The following GRM4 variants were observed in gnomAD, a reference collection of about 807,000 sequenced individuals.
The protein encoded by GRM4 is glutamate metabotropic receptor 4.
Under a neutral mutation model 81.7 loss-of-function variants are expected in GRM4, and 28 were observed. The observed-to-expected ratio is 0.34, with a 90% confidence interval of 0.25 to 0.47. The LOEUF is 0.47. GRM4 is among the 20% of genes least tolerant of loss of function. The pLI, the probability that GRM4 is intolerant of heterozygous loss-of-function variation, is 1.00. For missense variants in GRM4, 948 were observed against 1,290.0 expected, an observed-to-expected ratio of 0.73 and a Z score of 4.06; for synonymous variants, 488 against 528.8, an observed-to-expected ratio of 0.92 and a Z score of 1.06.
In GRM4 at chr6:34,121,936, G is replaced by A. The variant is rs984494157; in HGVS notation, c.519+11042C>T. 3.3e-5 allele frequency among the ~76,000 whole-genome samples: 5 copies of A among 151,524 alleles called. No individual in the cohort carries two copies. The highest frequency in any genetic ancestry group is 6.6e-5 in the Admixed American group (1 of 15,196). ...CTGAGCAGTGCCAAGACTTGTGGTG[G>A]GATTGAGGGGCACCCTGAGTCGGAG... On this transcript the variant is annotated intron_variant, in intron 2 of 10. Transcript: ENST00000538487. This position sits in a 1 kb window ranked among gnomAD's most constrained non-coding sequence, Gnocchi z 4.6.
In GRM4 at chr6:34,114,970, C is replaced by G. The variant is rs1216509529; in HGVS notation, c.519+18008G>C. ...CAAAACACAGCCCAGGAAGCATGTC[C>G]ATTAAGAGAAGCCTTTCCTCCAGGT... On this transcript the variant is annotated intron_variant, in intron 2 of 10. Coordinates refer to ENST00000538487, the MANE Select transcript of GRM4 (RefSeq NM_000841.4). The surrounding 1 kb of genome is among the most constrained non-coding windows in gnomAD (Gnocchi z 4.3). 6.6e-6 allele frequency among the ~76,000 whole-genome samples: 1 copy of G among 152,208 alleles called. No homozygotes were observed. Among genetic ancestry groups the G allele is most frequent in the East Asian group, 1.9e-4 (1 of 5,194 alleles).
At chr6:34,150,701 A>G (rs902304477), upstream of GRM4, among the ~76,000 whole-genome samples, 1 of 151,754 alleles carries the variant, frequency 6.6e-6, no homozygotes, top group East Asian at 1.9e-4. Context: ...CAGTTTCCCC[A>G]CCTATAGGGC....
In GRM4 at chr6:34,035,144, G is replaced by C. The variant is rs1308832089; in HGVS notation, c.2442+524C>G. 6.6e-6 allele frequency among the ~76,000 whole-genome samples: 1 copy of C among 152,068 alleles called. No homozygotes were observed. The highest frequency in any genetic ancestry group is 1.5e-5 in the Non-Finnish European group (1 of 68,012). On this transcript the variant is annotated intron_variant, in intron 9 of 10. Coordinates refer to ENST00000538487, the MANE Select transcript of GRM4 (RefSeq NM_000841.4). The surrounding 1 kb of genome is among the most constrained non-coding windows in gnomAD (Gnocchi z 6.6). Reference sequence around the variant, plus strand: ...TGAACCAAAAGGAAGACAGGGTTGAGTAGGGAGAGAGGTAAGAGAAAGGAG... The same window carrying C: ...TGAACCAAAAGGAAGACAGGGTTGACTAGGGAGAGAGGTAAGAGAAAGGAG...
chr6:34,109,326 C>T (rs1769269007), intron 2 of GRM4, among the ~76,000 whole-genome samples: 1 of 151,924 alleles, frequency 6.6e-6, no homozygotes, highest in African/African-American at 2.4e-5. Flanking sequence ...TAGCCCCTCC[C>T]ACCCTGTCCC....
intron 9 of GRM4, among the ~76,000 whole-genome samples, chr6:34,033,899 G>A (rs1318760287): frequency 2.0e-5 from 3 of 152,056 alleles, no homozygotes; most frequent in African/African-American, 4.8e-5. Flanking sequence ...CACCATGCCT[G>A]GCTACGTTTT....
rs576385268 is a variant in GRM4, at chr6:34,044,974, GCA to G, written c.1169-4228_1169-4227del. ...TACATACACATATATACACATACAC[GCA>G]CACACAGATACACTGAAATAAACAC... On this transcript the variant is annotated intron_variant, in intron 6 of 10. Coordinates refer to ENST00000538487, the MANE Select transcript of GRM4 (RefSeq NM_000841.4). Among the ~76,000 whole-genome samples the G allele has an allele frequency of 2.1e-4, 31 of 149,096 alleles. No individual in the cohort carries two copies. The East Asian group carries it at 5.9e-3, about 28-fold the overall frequency.
At chr6:34,065,966 G>A (rs533358126) in intron 3 of GRM4, among the ~76,000 whole-genome samples, 3 of 151,824 alleles carry the variant, frequency 2.0e-5, no homozygotes, top group African/African-American at 4.8e-5. Context: ...CCAGCTCTGC[G>A]CCTCCTCCCC....
At chr6:34,081,011 G>A (rs12527955) in intron 3 of GRM4, among the ~76,000 whole-genome samples, 34,360 of 152,110 alleles carry the variant, frequency 0.23, 5,942 homozygotes, top group African/African-American at 0.47. Context: ...GCTGGCCTCT[G>A]TGGGGCAGGG....
chr6:34,149,707 G>C (rs578117782), upstream of GRM4, among the ~76,000 whole-genome samples: 2 of 152,190 alleles, frequency 1.3e-5, no homozygotes, highest in Non-Finnish European at 2.9e-5. Context: ...AGAGCCCTGG[G>C]AATTTGCTCT....
At chr6:34,084,801 C>T (rs867716126) in intron 3 of GRM4, among the ~76,000 whole-genome samples, 2 of 152,176 alleles carry the variant, frequency 1.3e-5, no homozygotes, top group African/African-American at 2.4e-5. Flanking sequence ...TCCCACCTGG[C>T]GTGCCCTTTC....
Position 34,133,720 on chromosome 6 carries a change from G to T in GRM4, c.-224C>A, listed in dbSNP as rs1255939208. The T allele has an allele frequency of 2.3e-6, 3 of 1,301,464 alleles. No individual in the cohort carries two copies. The highest frequency in any genetic ancestry group is 2.9e-6 in the Non-Finnish European group (3 of 1,029,856). The allele number at this position is 1,301,464 out of a possible 1,614,324, so 80.6% of individuals were successfully genotyped here. On this transcript the variant is annotated 5_prime_UTR_variant, in exon 2 of 11. Transcript: ENST00000538487. This position sits in a 1 kb window ranked among gnomAD's most constrained non-coding sequence, Gnocchi z 6.5. ...GCCCACAGACAGCAGGCAGTGGCCG[G>T]GGTTGCAGGAAGGCTCTGATCCTTG... is the stretch of plus-strand genomic sequence containing the variant.
At position 34,133,492 on chromosome 6, in the gene GRM4, G is replaced by A. The variant is rs867089695; in HGVS notation, c.5C>T (p.Pro2Leu). ...CCACCAGCCCAAGCCTCTCTTCCCA[G>A]GCATCTCGGAAATCCCTAGAGACCC... M[P>L]GKRGLGWWWA... is the part of the protein sequence containing the mutation. Residue 2 changes from proline to leucine, a missense_variant, in exon 2 of 11, where the codon CCT becomes CTT. By Grantham distance (98) the Pro-to-Leu change is moderately conservative. Transcript: ENST00000538487. The surrounding 1 kb of genome is among the most constrained non-coding windows in gnomAD (Gnocchi z 6.5). The A allele has an allele frequency of 2.6e-6, 4 of 1,559,384 alleles. No homozygotes were observed. The highest frequency in any genetic ancestry group is 3.5e-6 in the Non-Finnish European group (4 of 1,153,992).
intron 2 of GRM4, chr6:34,102,251 T>C: frequency 9.3e-7 from 1 of 1,075,690 alleles, no homozygotes. Context: ...GCTAATAAAA[T>C]GCCCTTTACA....
In GRM4 at chr6:34,078,464, G is replaced by T. The variant is rs981043426; in HGVS notation, c.736+13419C>A. On this transcript the variant is annotated intron_variant, in intron 3 of 10. Transcript: ENST00000538487. The surrounding 1 kb of genome is among the most constrained non-coding windows in gnomAD (Gnocchi z 4.8). Reference sequence around the variant, plus strand: ...CCCACCAGCCAGAGCCCAGTGCTGCGGTCCACACCTTCCCTTCTTCCACCC... The same window carrying T: ...CCCACCAGCCAGAGCCCAGTGCTGCTGTCCACACCTTCCCTTCTTCCACCC... Among the ~76,000 whole-genome samples, 11 of 152,012 alleles carry T rather than the reference G, an allele frequency of 7.2e-5. No individual in the cohort carries two copies. Among genetic ancestry groups the T allele is most frequent in the African/African-American group, 2.7e-4 (11 of 41,364 alleles).
At chr6:34,026,768 G>A (rs957752126) in intron 10 of GRM4, among the ~76,000 whole-genome samples, 8 of 152,106 alleles carry the variant, frequency 5.3e-5, no homozygotes, top group South Asian at 2.1e-4. Flanking sequence ...CAGCACCCGC[G>A]GTGTCACCCT....
intron 1 of GRM4, among the ~76,000 whole-genome samples, chr6:34,134,794 GATC>G (rs554773422): frequency 6.2e-4 from 94 of 152,050 alleles, no homozygotes; most frequent in African/African-American, 2.2e-3. Flanking sequence ...ACATTATTAA[GATC>G]ATCATCATCA....
Position 34,083,588 on chromosome 6 carries a change from C to T in GRM4, c.736+8295G>A, listed in dbSNP as rs556801253. 3.9e-5 allele frequency among the ~76,000 whole-genome samples: 6 copies of T among 152,234 alleles called. No individual in the cohort carries two copies. In the South Asian group the frequency reaches 1.0e-3, roughly 26 times the overall value. Reference sequence around the variant, plus strand: ...CAAGATGGGTCTTGGGTCTAGAAAGCCCTGGTTGATAGGTTAGAATGGGAG... The same window carrying T: ...CAAGATGGGTCTTGGGTCTAGAAAGTCCTGGTTGATAGGTTAGAATGGGAG... On this transcript the variant is annotated intron_variant, in intron 3 of 10. Coordinates refer to ENST00000538487, the MANE Select transcript of GRM4 (RefSeq NM_000841.4).
At chr6:34,140,337 T>TG (rs5875496) in intron 1 of GRM4, among the ~76,000 whole-genome samples, 94,225 of 151,828 alleles carry the variant, frequency 0.62, 29,538 homozygotes, top group Admixed American at 0.75. Context: ...GTTGATGCGA[T>TG]GAAGTCAGAG....
intron 9 of GRM4, among the ~76,000 whole-genome samples, chr6:34,033,622 C>A (rs565921283): frequency 6.6e-6 from 1 of 152,306 alleles, no homozygotes; most frequent in Admixed American, 6.5e-5. Context: ...ACTAGGCAAC[C>A]CTGGGAGCTC....
Sources: allele counts gnomAD v4.1 joint callset (sites outside exome capture counted in the v4.1 genomes callset), GRCh38; gene constraint gnomAD v4.1.1; non-coding constraint Gnocchi (gnomAD v3.1); transcripts MANE v1.5; gene names NCBI Gene and HGNC (gene_info 2026-07-23, HGNC 2026-07-21).